ADAMTSL3: variants seen among roughly 807,000 people sequenced by gnomAD.
ADAMTSL3 encodes ADAMTS like 3.
ADAMTSL3 carries 128 observed loss-of-function variants against 201.7 expected under a neutral mutation model. That is an observed-to-expected ratio of 0.63 (90% CI 0.55 to 0.73). The LOEUF is 0.73. Among genes scored for constraint, ADAMTSL3 ranks in the 30% least tolerant of loss-of-function variants. ADAMTSL3 has a pLI of 0.00. For synonymous variants in ADAMTSL3, 738 were observed against 748.4 expected, an observed-to-expected ratio of 0.99 and a Z score of 0.23; for missense variants, 1,990 against 2,119.6, an observed-to-expected ratio of 0.94 and a Z score of 1.20.
chr15:83,660,808 G>A (rs1199922715), intron 2 of ADAMTSL3, among the ~76,000 whole-genome samples: 1 of 151,818 alleles, frequency 6.6e-6, no homozygotes. Flanking sequence ...TGTCAATTTT[G>A]TCTTTTGTTG....
chr15:83,914,861 G>GTTTTTT (rs2066004098), intron 16 of ADAMTSL3, among the ~76,000 whole-genome samples: 1 of 23,624 alleles, frequency 4.2e-5, no homozygotes, highest in Non-Finnish European at 6.4e-5. Flanking sequence ...TTGTTTGTTT[G>GTTTTTT]TTTGTTTGTT....
At chr15:83,671,284 G>C (rs73452640) in intron 2 of ADAMTSL3, among the ~76,000 whole-genome samples, 6,189 of 152,142 alleles carry the variant, frequency 0.041, 403 homozygotes, top group African/African-American at 0.14. Context: ...AAAATAAAGA[G>C]GGCACAGAAC....
chr15:83,864,855 C>T (rs1392525136), intron 8 of ADAMTSL3, among the ~76,000 whole-genome samples: 6 of 152,250 alleles, frequency 3.9e-5, no homozygotes, highest in Admixed American at 2.0e-4. Context: ...GATTGTATAT[C>T]TAGAAAACCC....
chr15:83,794,018 T>C (rs1190513214), intron 4 of ADAMTSL3, among the ~76,000 whole-genome samples: 1 of 152,208 alleles, frequency 6.6e-6, no homozygotes, highest in Non-Finnish European at 1.5e-5. Context: ...ATGGATATTT[T>C]ACCCAAGAGA....
chr15:84,019,721 A>C (rs1404240472), intron 25 of ADAMTSL3, among the ~76,000 whole-genome samples: 2 of 151,864 alleles, frequency 1.3e-5, no homozygotes, highest in South Asian at 4.2e-4. Context: ...ATGAAACCCC[A>C]TCTCTACTGA....
In ADAMTSL3 at chr15:83,982,892, A is replaced by T; in HGVS notation, c.3264A>T (p.Ala1088=). 2 of 1,614,118 alleles carry T rather than the reference A, an allele frequency of 1.2e-6. No homozygotes were observed. Among genetic ancestry groups the T allele is most frequent in the Non-Finnish European group, 1.7e-6 (2 of 1,180,032 alleles). Residue 1088 remains alanine (A), a synonymous_variant, in exon 21 of 30, where the codon GCA becomes GCT. Transcript: ENST00000286744. ...KQFEAAVKQG[A]YSMDTAQFDE... is the part of the protein sequence containing the mutation. Reference sequence around the variant, plus strand: ...TTGAAGCAGCAGTTAAACAAGGAGCATATAGCATGGATACAGCCCAGTTTG... The same window carrying T: ...TTGAAGCAGCAGTTAAACAAGGAGCTTATAGCATGGATACAGCCCAGTTTG...
chr15:83,888,105 GA>G (rs1462330117), intron 10 of ADAMTSL3, among the ~76,000 whole-genome samples: 1 of 152,150 alleles, frequency 6.6e-6, no homozygotes, highest in Non-Finnish European at 1.5e-5. Context: ...AGTCCTGCTG[GA>G]ACTATAAATG....
chr15:83,987,615 C>G (rs951666625), intron 21 of ADAMTSL3, among the ~76,000 whole-genome samples: 1 of 151,948 alleles, frequency 6.6e-6, no homozygotes, highest in African/African-American at 2.4e-5. Context: ...ACTCAGTGGG[C>G]GGGTCTGAGT....
chr15:83,694,943 A>C (rs1377104085), intron 2 of ADAMTSL3, among the ~76,000 whole-genome samples: 3 of 152,174 alleles, frequency 2.0e-5, no homozygotes, highest in African/African-American at 7.2e-5. Context: ...TGAAAGGTGA[A>C]ATGTGTTCTA....
chr15:83,891,425 C>T, intron 12 of ADAMTSL3, 46 bp downstream of exon 12: 1 of 1,517,052 alleles, frequency 6.6e-7, no homozygotes, highest in Non-Finnish European at 9.2e-7. Flanking sequence ...AAGTAGTTTG[C>T]AAGGAACTGT....
chr15:83,943,631 A>T (rs2066604578), intron 19 of ADAMTSL3, among the ~76,000 whole-genome samples: 2 of 152,244 alleles, frequency 1.3e-5, no homozygotes, highest in Non-Finnish European at 2.9e-5. Context: ...AGGTGGGGGA[A>T]ATTAAATCCC....
intron 17 of ADAMTSL3, among the ~76,000 whole-genome samples, chr15:83,929,205 T>G (rs966925918): frequency 1.3e-5 from 2 of 152,202 alleles, no homozygotes; most frequent in Non-Finnish European, 2.9e-5. Context: ...GTGTTTCTTT[T>G]GCCGGGGCTG....
chr15:84,030,573 A>G (rs1396153566), intron 27 of ADAMTSL3, among the ~76,000 whole-genome samples: 1 of 152,186 alleles, frequency 6.6e-6, no homozygotes, highest in African/African-American at 2.4e-5. Flanking sequence ...TTCATGTTAC[A>G]GGCTCATAGG....
chr15:83,950,352 TC>T (rs1342982968), intron 19 of ADAMTSL3, among the ~76,000 whole-genome samples: 7 of 152,160 alleles, frequency 4.6e-5, no homozygotes, highest in African/African-American at 1.7e-4. Context: ...TCTACTCTGT[TC>T]CATTGGTCTA....
chr15:83,748,649 CAA>C (rs71156097), intron 3 of ADAMTSL3, among the ~76,000 whole-genome samples: 2,106 of 70,368 alleles, frequency 0.03, 13 homozygotes, highest in Middle Eastern at 0.067. Flanking sequence ...GACCCTGTCT[CAA>C]AAAAAAAAAA....
intron 9 of ADAMTSL3, among the ~76,000 whole-genome samples, chr15:83,880,954 C>G (rs1596349311): frequency 1.3e-5 from 2 of 150,770 alleles, no homozygotes; most frequent in Admixed American, 1.3e-4. Flanking sequence ...TTTGTTTTTT[C>G]TATTCTTGGT....
At chr15:83,680,730 A>G (rs2061466752) in intron 2 of ADAMTSL3, among the ~76,000 whole-genome samples, 1 of 151,764 alleles carries the variant, frequency 6.6e-6, no homozygotes, top group South Asian at 2.1e-4. Flanking sequence ...CTGTAATGTA[A>G]TTTCTGCTCT....
chr15:83,739,146 A>T (rs1016886930), intron 3 of ADAMTSL3, among the ~76,000 whole-genome samples: 10 of 152,078 alleles, frequency 6.6e-5, no homozygotes, highest in Non-Finnish European at 1.2e-4. Context: ...AGATATGTTT[A>T]AAAACAATAG....
At chr15:83,852,224 T>C (rs2064631771) in intron 7 of ADAMTSL3, among the ~76,000 whole-genome samples, 1 of 152,082 alleles carries the variant, frequency 6.6e-6, no homozygotes, top group African/African-American at 2.4e-5. Flanking sequence ...GCAATTCTCA[T>C]GCCTCAACCT....
Sources: gnomAD v4.1 joint callset for allele counts (sites outside exome capture counted in the v4.1 genomes callset) on GRCh38, gnomAD v4.1.1 for gene constraint, MANE v1.5 for transcripts, NCBI Gene and HGNC (gene_info 2026-07-23, HGNC 2026-07-21) for gene names.